Variants in CNTN6 observed in about 807,000 individuals in gnomAD.
The protein encoded by CNTN6 is contactin-6.
Under a neutral mutation model 122.8 loss-of-function variants are expected in CNTN6, and 137 were observed. That is an observed-to-expected ratio of 1.12 (90% CI 0.97 to 1.29). The LOEUF (loss-of-function observed/expected upper bound fraction) is 1.29, where lower values mean the gene tolerates loss of function less well. Ranked by LOEUF, CNTN6 falls within the 50% of genes most tolerant of loss-of-function variation. The pLI, the probability that CNTN6 is intolerant of heterozygous loss-of-function variation, is 0.00. For synonymous variants in CNTN6, 570 were observed against 426.0 expected, an observed-to-expected ratio of 1.34 and a Z score of -4.16; for missense variants, 1,634 against 1,223.4, an observed-to-expected ratio of 1.34 and a Z score of -5.01.
At chr3:1,172,622 G>C (rs2872545) in intron 2 of CNTN6, among the ~76,000 whole-genome samples, 3,470 of 19,116 alleles carry the variant, frequency 0.18, 116 homozygotes, top group African/African-American at 0.46. Flanking sequence ...ATAACTCTCT[G>C]TGTGTGTGTG....
At chr3:1,147,839 A>T (rs2092754753) in intron 1 of CNTN6, 88 bp from the exon 2 acceptor site, 1 of 481,960 alleles carries the variant, frequency 2.1e-6, no homozygotes, top group Admixed American at 3.3e-5. Flanking sequence ...TATTAATATT[A>T]AATTGAATTA....
intron 5 of CNTN6, among the ~76,000 whole-genome samples, chr3:1,279,922 G>T (rs1286373394): frequency 6.6e-6 from 1 of 152,172 alleles, no homozygotes; most frequent in African/African-American, 2.4e-5. Flanking sequence ...ATAGGGAAGA[G>T]TTGCAATGCT....
chr3:1,319,579 GA>G (rs1166428053), intron 7 of CNTN6, among the ~76,000 whole-genome samples: 1 of 151,418 alleles, frequency 6.6e-6, no homozygotes, highest in Non-Finnish European at 1.5e-5. Context: ...AGAGCAGAGG[GA>G]AAAATACACA....
chr3:1,179,783 G>A (rs1055397139), intron 2 of CNTN6, among the ~76,000 whole-genome samples: 2 of 151,992 alleles, frequency 1.3e-5, no homozygotes, highest in Non-Finnish European at 1.5e-5. Flanking sequence ...CTTCTGGTGG[G>A]GCCCAAGGAA....
intron 2 of CNTN6, among the ~76,000 whole-genome samples, chr3:1,152,009 A>G (rs961539175): frequency 6.6e-6 from 1 of 152,216 alleles, no homozygotes; most frequent in Non-Finnish European, 1.5e-5. Flanking sequence ...TGTTAATGAG[A>G]TAATTTGGAT....
intron 1 of CNTN6, among the ~76,000 whole-genome samples, chr3:1,146,177 C>T (rs13326242): frequency 0.089 from 13,512 of 152,162 alleles, 953 homozygotes; most frequent in African/African-American, 0.2. Context: ...CTGTTCTGCT[C>T]AACATTCTCA....
intron 7 of CNTN6, among the ~76,000 whole-genome samples, chr3:1,312,824 T>C (rs879784934): frequency 4.0e-5 from 6 of 151,828 alleles, no homozygotes; most frequent in Non-Finnish European, 7.4e-5. Context: ...TTTTTTTTTT[T>C]TTTTAATTTA....
intron 2 of CNTN6, among the ~76,000 whole-genome samples, chr3:1,201,323 G>T (rs2093868430): frequency 6.6e-6 from 1 of 151,888 alleles, no homozygotes; most frequent in Non-Finnish European, 1.5e-5. Context: ...CCTATGATTG[G>T]GTTAGCATCA....
rs1408047243 is a variant in CNTN6 at position 1,242,990 on chromosome 3, C to T, written c.358+14997C>T. 7.9e-5 allele frequency among the ~76,000 whole-genome samples: 12 copies of T among 152,142 alleles called. No individual in the cohort carries two copies. The East Asian group carries it at 9.7e-4, about 12-fold the overall frequency. On this transcript the variant is annotated intron_variant, in intron 4 of 22. Coordinates refer to ENST00000446702, the MANE Select transcript of CNTN6 (RefSeq NM_001289080.2). ...ATTGATTAAGAAGGGGACGGACTTA[C>T]CTTCCACTGTGAGAGTTACCCAAAG...
In CNTN6 at chr3:1,245,310, AT is replaced by A. The variant is rs1347661093; in HGVS notation, c.358+17318del. The stretch of plus-strand genomic sequence containing the variant: ...ATATATATAACATATATATATATAT[AT>A]ATATATATATATATATATATATATA... On this transcript the variant is annotated intron_variant, in intron 4 of 22. Coordinates refer to ENST00000446702, the MANE Select transcript of CNTN6 (RefSeq NM_001289080.2). 9.4e-3 allele frequency among the ~76,000 whole-genome samples: 157 copies of A among 16,758 alleles called. 33 individuals carry two copies. The highest frequency in any genetic ancestry group is 0.028 in the African/African-American group (136 of 4,842). 11.0% of individuals were successfully genotyped at this position (16,758 alleles called of 152,430 possible).
At chr3:1,348,934 T>C (rs1705194858) in intron 11 of CNTN6, among the ~76,000 whole-genome samples, 1 of 152,118 alleles carries the variant, frequency 6.6e-6, no homozygotes, top group African/African-American at 2.4e-5. Context: ...ATAGCCTCCA[T>C]AAATTTATAA....
In CNTN6 at chr3:1,329,941, C is replaced by A; in HGVS notation, c.1364+6C>A. On this transcript the variant is annotated splice_donor_region_variant and intron_variant, in intron 11 of 22. Coordinates refer to ENST00000446702, the MANE Select transcript of CNTN6 (RefSeq NM_001289080.2). ...ACCCTTAGACAAAGCAAAAGGTAAA[C>A]AAATCTTTATTTTTAAAAATATTTT... 6.5e-7 allele frequency: 1 copy of A among 1,527,348 alleles called. No homozygotes were observed. The highest frequency in any genetic ancestry group is 8.8e-7 in the Non-Finnish European group (1 of 1,142,686). 94.6% of individuals were successfully genotyped at this position (1,527,348 alleles called of 1,614,324 possible).
At chr3:1,140,198 G>A (rs558683410) in intron 1 of CNTN6, among the ~76,000 whole-genome samples, 25 of 152,210 alleles carry the variant, frequency 1.6e-4, no homozygotes, top group Admixed American at 8.5e-4. Context: ...CTATAGCAGC[G>A]TCACTCATCC....
chr3:1,200,443 C>A (rs1024670006), intron 2 of CNTN6, among the ~76,000 whole-genome samples: 1 of 152,140 alleles, frequency 6.6e-6, no homozygotes, highest in Admixed American at 6.6e-5. Flanking sequence ...ATCTGTGGTA[C>A]CTCTAAAGCT....
intron 2 of CNTN6, among the ~76,000 whole-genome samples, chr3:1,212,134 G>A (rs2125478327): frequency 6.6e-6 from 1 of 151,914 alleles, no homozygotes; most frequent in Non-Finnish European, 1.5e-5. Context: ...AGGTAGGGCA[G>A]AACCCTTTAT....
chr3:1,319,145 A>T (rs1700504192), intron 7 of CNTN6, among the ~76,000 whole-genome samples: 1 of 151,614 alleles, frequency 6.6e-6, no homozygotes, highest in Admixed American at 6.6e-5. Flanking sequence ...GTAAAGTAAC[A>T]AATACCTAGG....
In CNTN6 at chr3:1,377,029, T is replaced by C. The variant is rs1709961353; in HGVS notation, c.2120T>C (p.Ile707Thr). 6.2e-7 allele frequency: 1 copy of C among 1,607,356 alleles called. No homozygotes were observed. Among genetic ancestry groups the C allele is most frequent in the Admixed American group, 1.7e-5 (1 of 59,010 alleles). The stretch of plus-strand genomic sequence containing the variant: ...GTCCCTGTTGTGGCACCAGTAAACA[T>C]CCATGGAGGTGGAGGAAGTCGGTCT... ...ASVPVVAPVN[I>T]HGGGGSRSEL... is the part of the protein sequence containing the mutation. The change falls in exon 17 of 23, where the codon ATC (isoleucine) becomes ACC (threonine). Residue 707 changes from isoleucine (I) to threonine (T), a missense_variant. Coordinates refer to ENST00000446702, the MANE Select transcript of CNTN6 (RefSeq NM_001289080.2).
chr3:1,231,719 T>G (rs2125566688), intron 4 of CNTN6, among the ~76,000 whole-genome samples: 1 of 152,346 alleles, frequency 6.6e-6, no homozygotes, highest in South Asian at 2.1e-4. Context: ...ATTATTTGAT[T>G]ACAAAAGTCT....
chr3:1,116,116 A>C (rs1309897252), intron 1 of CNTN6, among the ~76,000 whole-genome samples: 5 of 152,190 alleles, frequency 3.3e-5, no homozygotes, highest in Non-Finnish European at 5.9e-5. Context: ...AGAAATCTGA[A>C]GACATGCTCC....
Sources: allele counts gnomAD v4.1 joint callset (sites outside exome capture counted in the v4.1 genomes callset), GRCh38; gene constraint gnomAD v4.1.1; transcripts MANE v1.5; gene names NCBI Gene and HGNC (gene_info 2026-07-23, HGNC 2026-07-21).